SLC2A13: variants seen among roughly 807,000 people sequenced by gnomAD.
The protein encoded by SLC2A13 is solute carrier family 2 member 13, also known as proton myo-inositol cotransporter.
In SLC2A13, 32 loss-of-function variants were observed where a neutral mutation model predicts 64.4. That is an observed-to-expected ratio of 0.50 (90% CI 0.37 to 0.67). The LOEUF (loss-of-function observed/expected upper bound fraction) is 0.67. Ranked by LOEUF, SLC2A13 falls within the 30% of genes least tolerant of loss-of-function variation. SLC2A13 has a pLI of 0.00. For synonymous variants in SLC2A13, 338 were observed against 327.1 expected (o/e 1.03, Z -0.36); for missense variants, 743 against 829.2 (o/e 0.90, Z 1.28).
Position 39,760,181 on chromosome 12 carries a change from T to C in SLC2A13, c.1792A>G (p.Lys598Glu). The C allele has an allele frequency of 6.2e-7, 1 of 1,612,910 alleles. No individual in the cohort carries two copies. The highest frequency in any genetic ancestry group is 8.5e-7 in the Non-Finnish European group (1 of 1,179,346). ...LFIYGCLPET[K>E]GKKLEEIESL... ...TCAATTTCCTCTAATTTTTTGCCTT[T>C]GGTCTCAGGAAGACAGCCATAGATG... Residue 598 changes from lysine (K) to glutamate (E), a missense_variant, in exon 10 of 10, where the codon AAA (lysine) becomes GAA (glutamate). Lys to Glu is a moderately conservative substitution (Grantham distance 56, BLOSUM62 1). Transcript: ENST00000280871.
At chr12:39,899,531 T>A (rs1450344149) in intron 4 of SLC2A13, among the ~76,000 whole-genome samples, 1 of 152,176 alleles carries the variant, frequency 6.6e-6, no homozygotes, top group Non-Finnish European at 1.5e-5. Context: ...AGCTTTTGAA[T>A]GTGTTTGCTC....
At chr12:40,040,331 C>T (rs1053612479) in intron 2 of SLC2A13, among the ~76,000 whole-genome samples, 25 of 152,326 alleles carry the variant, frequency 1.6e-4, no homozygotes, top group African/African-American at 6.0e-4. Context: ...ATATTCTTCC[C>T]ACCACACTGT....
rs190678002 is a variant in SLC2A13 at position 40,010,461 on chromosome 12, T to C, written c.925+17840A>G. ...AGGTAAGGCTTTTTTTTTCTGAGCC[T>C]GGATCAGCTGACTAAAGCATTGTTT... On this transcript the variant is annotated intron_variant, in intron 3 of 9. Coordinates refer to ENST00000280871, the MANE Select transcript of SLC2A13 (RefSeq NM_052885.4). Among the ~76,000 whole-genome samples the C allele has an allele frequency of 1.8e-4, 28 of 152,278 alleles. 1 individual carries two copies. The East Asian group carries it at 3.5e-3, about 19-fold the overall frequency.
chr12:39,784,501 C>T (rs1485772618), intron 7 of SLC2A13, among the ~76,000 whole-genome samples: 2 of 152,192 alleles, frequency 1.3e-5, no homozygotes, highest in Non-Finnish European at 1.5e-5. Flanking sequence ...ACAAATGGTG[C>T]TGGGAAAACT....
At chr12:39,900,488 A>G (rs1463833501) in intron 4 of SLC2A13, among the ~76,000 whole-genome samples, 1 of 152,212 alleles carries the variant, frequency 6.6e-6, no homozygotes, top group East Asian at 1.9e-4. Context: ...ACTTCAGCAA[A>G]GTCTCAGGAT....
intron 1 of SLC2A13, among the ~76,000 whole-genome samples, chr12:40,066,854 A>C (rs1937746760): frequency 6.6e-6 from 1 of 152,194 alleles, no homozygotes; most frequent in African/African-American, 2.4e-5. Flanking sequence ...TAACTATCAA[A>C]AGCTAAATCT....
chr12:39,934,716 C>G (rs1945887990), intron 4 of SLC2A13, among the ~76,000 whole-genome samples: 1 of 152,176 alleles, frequency 6.6e-6, no homozygotes, highest in Non-Finnish European at 1.5e-5. Flanking sequence ...ACAGTTAAAT[C>G]TACTTTATAC....
chr12:40,096,500 A>G (rs1022049667), intron 1 of SLC2A13, among the ~76,000 whole-genome samples: 1 of 151,938 alleles, frequency 6.6e-6, no homozygotes, highest in Non-Finnish European at 1.5e-5. Flanking sequence ...ATCAATATAG[A>G]TAAGAAAAAA....
chr12:39,906,765 T>C (rs1019312147), intron 4 of SLC2A13, among the ~76,000 whole-genome samples: 4 of 152,080 alleles, frequency 2.6e-5, no homozygotes, highest in Non-Finnish European at 4.4e-5. Flanking sequence ...GGGGGATTCA[T>C]AGGTCTTCTA....
intron 7 of SLC2A13, chr12:39,788,643 A>T (rs1941273451): frequency 6.6e-6 from 1 of 152,220 alleles, no homozygotes; most frequent in African/African-American, 2.4e-5. Flanking sequence ...CAGTACATCA[A>T]ATGGACCAAT....
chr12:40,048,172 C>A lies in SLC2A13; in HGVS notation c.595G>T (p.Val199Phe). 6.2e-7 allele frequency: 1 copy of A among 1,613,198 alleles called. No individual in the cohort carries two copies. ...SMTVPVYIAE[V>F]SPPNLRGRLV... is the part of the protein sequence containing the mutation. ...CGGCCTCTTAAATTGGGTGGTGAGA[C>A]CTCCGCAATGTACACTGGCACTGTC... The change falls in exon 2 of 10, where the codon GTC becomes TTC. Residue 199 changes from valine to phenylalanine, a missense_variant. Val to Phe is a conservative substitution (Grantham distance 50). Coordinates refer to ENST00000280871, the MANE Select transcript of SLC2A13 (RefSeq NM_052885.4).
chr12:39,783,823 A>C (rs2135747419), intron 7 of SLC2A13, among the ~76,000 whole-genome samples: 1 of 152,128 alleles, frequency 6.6e-6, no homozygotes, highest in East Asian at 1.9e-4. Context: ...TATTTAGAAA[A>C]CCCCATCGTC....
intron 4 of SLC2A13, among the ~76,000 whole-genome samples, chr12:39,915,732 G>A (rs558232383): frequency 1.6e-4 from 24 of 151,864 alleles, no homozygotes; most frequent in African/African-American, 5.8e-4. Flanking sequence ...GTTCATCAAA[G>A]TGATGACTGA....
At chr12:40,027,363 C>T (rs1315545091) in intron 3 of SLC2A13, among the ~76,000 whole-genome samples, 1 of 152,118 alleles carries the variant, frequency 6.6e-6, no homozygotes, top group Non-Finnish European at 1.5e-5. Context: ...TTTGTTGAGG[C>T]TTTGATCTCA....
At chr12:39,998,622 C>T (rs571912544) in intron 3 of SLC2A13, among the ~76,000 whole-genome samples, 68 of 152,336 alleles carry the variant, frequency 4.5e-4, no homozygotes, top group African/African-American at 1.6e-3. Flanking sequence ...TTACCCAATG[C>T]CTGTACACCC....
At chr12:39,796,623 C>T (rs1201674341) in intron 7 of SLC2A13, among the ~76,000 whole-genome samples, 9 of 151,986 alleles carry the variant, frequency 5.9e-5, no homozygotes, top group Admixed American at 5.9e-4. Context: ...CTAGTCACTA[C>T]TGAAAAAGGA....
At chr12:39,772,448 C>A (rs982034402) in intron 7 of SLC2A13, among the ~76,000 whole-genome samples, 5 of 151,974 alleles carry the variant, frequency 3.3e-5, no homozygotes, top group African/African-American at 1.2e-4. Flanking sequence ...CATCATAATA[C>A]CCTATGTAGA....
chr12:40,051,074 C>A (rs1948245565), intron 1 of SLC2A13, among the ~76,000 whole-genome samples: 4 of 152,050 alleles, frequency 2.6e-5, no homozygotes, highest in Admixed American at 2.6e-4. Flanking sequence ...TGAGTACAAA[C>A]AAATAAAATA....
intron 3 of SLC2A13, among the ~76,000 whole-genome samples, chr12:39,995,697 T>A (rs1947215845): frequency 6.6e-6 from 1 of 152,190 alleles, no homozygotes; most frequent in Non-Finnish European, 1.5e-5. Context: ...CCAAATCTCA[T>A]CTTGAATTCC....
Sources: allele counts gnomAD v4.1 joint callset (sites outside exome capture counted in the v4.1 genomes callset), GRCh38; gene constraint gnomAD v4.1.1; transcripts MANE v1.5; gene names NCBI Gene and HGNC (gene_info 2026-07-23, HGNC 2026-07-21).